Variants in GLIS3 observed in about 807,000 individuals in gnomAD.
GLIS3 encodes the protein zinc finger protein GLIS3.
GLIS3 carries 53 observed loss-of-function variants against 78.6 expected under a neutral mutation model. The ratio of observed to expected loss-of-function variants is 0.67; its 90% CI spans 0.54 to 0.85. The LOEUF (loss-of-function observed/expected upper bound fraction) is 0.85. GLIS3 is among the 40% of genes least tolerant of loss of function. The pLI is 0.00. For synonymous variants in GLIS3, 684 were observed against 509.9 expected (o/e 1.34, Z -4.60); for missense variants, 1,703 against 1,231.1 (o/e 1.38, Z -5.74).
chr9:4,033,396 C>T (rs73390432), intron 4 of GLIS3, among the ~76,000 whole-genome samples: 10,707 of 152,160 alleles, frequency 0.07, 555 homozygotes, highest in African/African-American at 0.14. Flanking sequence ...AGGCTCCAGG[C>T]CATTTGGGTA....
Position 3,916,801 on chromosome 9 carries a change from T to C in GLIS3, c.1983+15559A>G, listed in dbSNP as rs929455553. 5.3e-5 allele frequency among the ~76,000 whole-genome samples: 8 copies of C among 152,178 alleles called. No individual in the cohort carries two copies. The South Asian group carries it at 1.7e-3, about 32-fold the overall frequency. On this transcript the variant is annotated intron_variant, in intron 6 of 10. Transcript: ENST00000381971. ...ATAAAATATTTTAAATGAGACTTCATGGAAAACAATAGGAAAAGTAGCTTT... is the reference window on the plus strand; with the variant it reads ...ATAAAATATTTTAAATGAGACTTCACGGAAAACAATAGGAAAAGTAGCTTT...
At chr9:3,917,604 T>A (rs1824605868) in intron 6 of GLIS3, among the ~76,000 whole-genome samples, 2 of 152,046 alleles carry the variant, frequency 1.3e-5, no homozygotes, top group South Asian at 4.2e-4. Flanking sequence ...ATCCATTATT[T>A]TTTTTTTTTC....
At chr9:4,131,220 C>G (rs1832950485) in intron 2 of GLIS3, among the ~76,000 whole-genome samples, 1 of 152,194 alleles carries the variant, frequency 6.6e-6, no homozygotes, top group Non-Finnish European at 1.5e-5. Context: ...GGTGGAAGCA[C>G]TAGCCTTGTC....
At chr9:4,331,914 T>G (rs745817861) in intron 2 of GLIS3, among the ~76,000 whole-genome samples, 3 of 152,280 alleles carry the variant, frequency 2.0e-5, no homozygotes, top group Non-Finnish European at 2.9e-5. Flanking sequence ...AATGCCCAGG[T>G]TGTCAACTGG....
At chr9:4,075,259 G>A (rs1195711334) in intron 4 of GLIS3, among the ~76,000 whole-genome samples, 1 of 151,952 alleles carries the variant, frequency 6.6e-6, no homozygotes. Context: ...AAGATTTATT[G>A]AAAGCTTAAA....
At position 4,184,017 on chromosome 9, in the gene GLIS3, A is replaced by G. The variant is rs927131908; in HGVS notation, c.389-58076T>C. Among the ~76,000 whole-genome samples, 17 of 152,370 alleles carry G rather than the reference A, an allele frequency of 1.1e-4. No homozygotes were observed. In the East Asian group the frequency reaches 3.1e-3, roughly 28 times the overall value. On this transcript the variant is annotated intron_variant, in intron 2 of 10. Transcript: ENST00000381971. ...GCATTTTATTTTTATTTCCATAGGAAATCAATGAGGAACATGAAAAATGAT... is the reference window on the plus strand; with the variant it reads ...GCATTTTATTTTTATTTCCATAGGAGATCAATGAGGAACATGAAAAATGAT...
chr9:4,191,793 T>C (rs976939129), intron 2 of GLIS3, among the ~76,000 whole-genome samples: 4 of 152,170 alleles, frequency 2.6e-5, no homozygotes, highest in African/African-American at 9.6e-5. Flanking sequence ...TACCTGTTCC[T>C]GTACCAAGGT....
At chr9:4,230,417 G>C (rs1328803226) in intron 2 of GLIS3, among the ~76,000 whole-genome samples, 3 of 152,196 alleles carry the variant, frequency 2.0e-5, no homozygotes, top group Non-Finnish European at 4.4e-5. Flanking sequence ...TCAAGCCAAA[G>C]ACTGAGGTAG....
chr9:4,156,160 G>A (rs954727869), intron 2 of GLIS3, among the ~76,000 whole-genome samples: 1 of 151,834 alleles, frequency 6.6e-6, no homozygotes, highest in Non-Finnish European at 1.5e-5. Context: ...CCCTTGAGCA[G>A]CCCTGAAGCC....
intron 4 of GLIS3, among the ~76,000 whole-genome samples, chr9:4,043,853 T>C (rs964339634): frequency 3.9e-4 from 60 of 152,334 alleles, no homozygotes; most frequent in Non-Finnish European, 7.3e-5. Flanking sequence ...CAGAGTTCAC[T>C]TGTAGTTCTG....
At chr9:3,832,555 G>A (rs1305818191) in intron 9 of GLIS3, among the ~76,000 whole-genome samples, 1 of 152,170 alleles carries the variant, frequency 6.6e-6, no homozygotes. Flanking sequence ...ACATGTCTGA[G>A]TGGTTTGAGG....
At chr9:4,079,668 C>T (rs1306959551) in intron 4 of GLIS3, among the ~76,000 whole-genome samples, 3 of 151,550 alleles carry the variant, frequency 2.0e-5, no homozygotes, top group Non-Finnish European at 4.4e-5. Context: ...GCCAGAGAAA[C>T]CTAGCTTAAA....
At chr9:4,311,225 A>G (rs2130526709) in intron 2 of GLIS3, among the ~76,000 whole-genome samples, 1 of 152,294 alleles carries the variant, frequency 6.6e-6, no homozygotes, top group South Asian at 2.1e-4. Flanking sequence ...CCTGGCCAAC[A>G]TGGCGAAACC....
intron 4 of GLIS3, among the ~76,000 whole-genome samples, chr9:4,010,928 C>G (rs116002142): frequency 2.0e-3 from 308 of 152,166 alleles, no homozygotes; most frequent in Middle Eastern, 0.014. Flanking sequence ...TATGTAGATA[C>G]GCATGCATGT....
chr9:4,402,289 C>CA, the GLIS3 span, among the ~76,000 whole-genome samples: 1 of 152,166 alleles, frequency 6.6e-6, no homozygotes, highest in East Asian at 1.9e-4. Context: ...ATGCAAAAAC[C>CA]ACAGCATTAC....
intron 4 of GLIS3, among the ~76,000 whole-genome samples, chr9:3,985,868 T>C (rs938967944): frequency 1.3e-5 from 2 of 152,240 alleles, no homozygotes; most frequent in African/African-American, 4.8e-5. Context: ...ACTTTCCCTC[T>C]AGTTCCTGGC....
chr9:3,873,964 C>G (rs549854157), intron 8 of GLIS3, among the ~76,000 whole-genome samples: 1 of 152,244 alleles, frequency 6.6e-6, no homozygotes, highest in East Asian at 1.9e-4. Flanking sequence ...CCACACATCC[C>G]TTCTTTCTGT....
At chr9:4,252,543 T>A (rs981464944) in intron 2 of GLIS3, among the ~76,000 whole-genome samples, 3 of 152,152 alleles carry the variant, frequency 2.0e-5, no homozygotes, top group African/African-American at 7.2e-5. Flanking sequence ...TTGCATTGGG[T>A]TAGAACTGCC....
chr9:4,229,565 G>A (rs981574852), intron 2 of GLIS3, among the ~76,000 whole-genome samples: 4 of 152,180 alleles, frequency 2.6e-5, no homozygotes, highest in Non-Finnish European at 4.4e-5. Flanking sequence ...ACATTTAAAA[G>A]TGCCCTGAAG....
Sources: gnomAD v4.1 joint callset for allele counts (sites outside exome capture counted in the v4.1 genomes callset) on GRCh38, gnomAD v4.1.1 for gene constraint, MANE v1.5 for transcripts, NCBI Gene and HGNC (gene_info 2026-07-23, HGNC 2026-07-21) for gene names.